ENOX1: variants seen among roughly 807,000 people sequenced by gnomAD.
ENOX1 encodes candidate growth-related and time keeping constitutive hydroquinone (NADH) oxidase.
In ENOX1, 42 loss-of-function variants were observed where a neutral mutation model predicts 82.5. The ratio of observed to expected loss-of-function variants is 0.51; its 90% CI spans 0.40 to 0.66. The LOEUF is 0.66. Ranked by LOEUF, ENOX1 falls within the 30% of genes least tolerant of loss-of-function variation. The pLI is 0.00. For synonymous variants in ENOX1, 271 were observed against 282.2 expected (o/e 0.96, Z 0.40); for missense variants, 608 against 811.6 (o/e 0.75, Z 3.05).
chr13:43,629,237 T>C (rs1202255949), intron 2 of ENOX1, among the ~76,000 whole-genome samples: 3 of 152,168 alleles, frequency 2.0e-5, no homozygotes, highest in African/African-American at 7.2e-5. Context: ...CACAATTATT[T>C]CTGTTGTTTG....
chr13:43,303,209 C>T (rs1197480873), intron 11 of ENOX1, among the ~76,000 whole-genome samples: 1 of 152,228 alleles, frequency 6.6e-6, no homozygotes, highest in Non-Finnish European at 1.5e-5. Flanking sequence ...AGGGCAGAGG[C>T]AGGCTGGCCT....
intron 3 of ENOX1, among the ~76,000 whole-genome samples, chr13:43,420,778 T>C (rs1362960773): frequency 6.6e-6 from 1 of 152,052 alleles, no homozygotes; most frequent in Non-Finnish European, 1.5e-5. Flanking sequence ...ATTTCTTAGA[T>C]AGGAGTAAGT....
chr13:43,288,030 T>C (rs2045798432), intron 12 of ENOX1, among the ~76,000 whole-genome samples: 1 of 152,168 alleles, frequency 6.6e-6, no homozygotes, highest in African/African-American at 2.4e-5. Flanking sequence ...CAAATGACCT[T>C]GAACAGCCTA....
At chr13:43,379,719 T>A (rs7331687) in intron 5 of ENOX1, among the ~76,000 whole-genome samples, 145,208 of 152,048 alleles carry the variant, frequency 0.96, 69,702 homozygotes, top group East Asian at 1. Context: ...AATTACTTGA[T>A]GAGGGTGGGG....
chr13:43,594,688 G>A (rs2081386609), intron 2 of ENOX1, among the ~76,000 whole-genome samples: 1 of 152,178 alleles, frequency 6.6e-6, no homozygotes, highest in African/African-American at 2.4e-5. Flanking sequence ...AAGAGGGAGA[G>A]AACTTACTTA....
chr13:43,754,051 T>TATATACATATATATGTATATAAATACAC (rs71099849), intron 1 of ENOX1, among the ~76,000 whole-genome samples: 3 of 117,780 alleles, frequency 2.5e-5, no homozygotes, highest in South Asian at 2.5e-4. Context: ...TAAATACACA[T>TATATACATATATATGTATATAAATACAC]ATATATACAT....
At chr13:43,262,105 C>T (rs1460851505) in intron 14 of ENOX1, among the ~76,000 whole-genome samples, 1 of 152,006 alleles carries the variant, frequency 6.6e-6, no homozygotes, top group Non-Finnish European at 1.5e-5. Context: ...TTTATTTATT[C>T]ATTTATTTAT....
chr13:43,779,933 G>A (rs1355272364), intron 1 of ENOX1, among the ~76,000 whole-genome samples: 1 of 152,144 alleles, frequency 6.6e-6, no homozygotes, highest in African/African-American at 2.4e-5. Flanking sequence ...AAGGCGGGCA[G>A]ATCACGAAGT....
chr13:43,646,975 G>A (rs1171282752), intron 2 of ENOX1, among the ~76,000 whole-genome samples: 1 of 152,198 alleles, frequency 6.6e-6, no homozygotes, highest in Non-Finnish European at 1.5e-5. Flanking sequence ...TGGTAACCAA[G>A]GAAGCAGAAG....
intron 2 of ENOX1, among the ~76,000 whole-genome samples, chr13:43,593,998 C>G (rs1363856959): frequency 1.3e-5 from 2 of 152,146 alleles, no homozygotes; most frequent in Admixed American, 1.3e-4. Context: ...GTGATTGTCT[C>G]TTACTGCGCC....
intron 8 of ENOX1, among the ~76,000 whole-genome samples, chr13:43,353,099 A>G (rs553479500): frequency 9.2e-5 from 14 of 152,320 alleles, no homozygotes; most frequent in African/African-American, 3.4e-4. Context: ...AGTGATTGGA[A>G]GGATGGCTGA....
intron 12 of ENOX1, among the ~76,000 whole-genome samples, chr13:43,288,487 T>C (rs760414083): frequency 5.3e-5 from 8 of 152,184 alleles, no homozygotes; most frequent in Non-Finnish European, 1.2e-4. Context: ...TACATACACA[T>C]ATTTATTTTT....
chr13:43,531,479 C>T (rs1593662789), intron 2 of ENOX1, among the ~76,000 whole-genome samples: 1 of 150,316 alleles, frequency 6.7e-6, no homozygotes, highest in African/African-American at 2.4e-5. Context: ...GTTGGTGGGA[C>T]TGTAAACTAG....
At chr13:43,605,893 T>C (rs931832416) in intron 2 of ENOX1, among the ~76,000 whole-genome samples, 2 of 152,096 alleles carry the variant, frequency 1.3e-5, no homozygotes, top group African/African-American at 4.8e-5. Context: ...GAGAAAATAT[T>C]TGCAAACTAT....
chr13:43,751,696 G>A (rs1170763338), intron 1 of ENOX1, among the ~76,000 whole-genome samples: 1 of 152,174 alleles, frequency 6.6e-6, no homozygotes, highest in African/African-American at 2.4e-5. Flanking sequence ...CATACACAGT[G>A]TATGAATCAA....
At chr13:43,235,189 C>T (rs1473818002) in intron 15 of ENOX1, among the ~76,000 whole-genome samples, 1 of 152,130 alleles carries the variant, frequency 6.6e-6, no homozygotes, top group East Asian at 1.9e-4. Context: ...ACTGATAGCA[C>T]ATCAGCATGT....
chr13:43,269,900 T>G (rs1345792396), intron 12 of ENOX1, among the ~76,000 whole-genome samples: 1 of 152,212 alleles, frequency 6.6e-6, no homozygotes, highest in East Asian at 1.9e-4. Flanking sequence ...GAAAAAATTA[T>G]AATATAGTCA....
At chr13:43,664,118 C>A (rs74436076) in intron 2 of ENOX1, among the ~76,000 whole-genome samples, 7,324 of 152,226 alleles carry the variant, frequency 0.048, 201 homozygotes, top group African/African-American at 0.071. Flanking sequence ...ATAATAATTA[C>A]ATTCTAATGT....
chr13:43,368,582 C>T (rs1015598020), intron 5 of ENOX1, among the ~76,000 whole-genome samples: 4 of 152,166 alleles, frequency 2.6e-5, no homozygotes, highest in African/African-American at 7.2e-5. Flanking sequence ...AAGGGCAGAG[C>T]GGTTTCTGTG....
Sources: gnomAD v4.1 joint callset for allele counts (sites outside exome capture counted in the v4.1 genomes callset) on GRCh38, gnomAD v4.1.1 for gene constraint, MANE v1.5 for transcripts, NCBI Gene and HGNC (gene_info 2026-07-23, HGNC 2026-07-21) for gene names.